Variants in PCDHA8 observed in about 807,000 individuals in gnomAD.
PCDHA8 encodes the protein protocadherin alpha 8.
PCDHA8 carries 53 observed loss-of-function variants against 61.8 expected under a neutral mutation model. The observed-to-expected ratio is 0.86, with a 90% confidence interval of 0.69 to 1.08. The LOEUF is 1.08. Among genes scored for constraint, PCDHA8 ranks in the 50% least tolerant of loss-of-function variants. The pLI is 0.00. For synonymous variants in PCDHA8, 618 were observed against 556.6 expected, an observed-to-expected ratio of 1.11 and a Z score of -1.55; for missense variants, 1,293 against 1,245.0, an observed-to-expected ratio of 1.04 and a Z score of -0.58.
rs1554263662 is a variant in PCDHA8 at position 141,011,810 on chromosome 5, G to A, written c.*1873G>A. The A allele has an allele frequency of 6.5e-6, 1 of 153,716 alleles. No individual in the cohort carries two copies. The highest frequency in any genetic ancestry group is 1.9e-4 in the East Asian group (1 of 5,198). 9.5% of individuals were successfully genotyped at this position (153,716 alleles called of 1,614,324 possible). ...ATGGTATCTGAAATATCAGCTCATA[G>A]AAAGTAACAAAATTTGCTGTCACCT... On this transcript the variant is annotated 3_prime_UTR_variant, in exon 4 of 4. Coordinates refer to ENST00000531613, the MANE Select transcript of PCDHA8 (RefSeq NM_018911.3).
chr5:140,982,795 A>ATGTG (rs60616196), intron 3 of PCDHA8, among the ~76,000 whole-genome samples: 1 of 151,628 alleles, frequency 6.6e-6, no homozygotes, highest in African/African-American at 2.4e-5. Context: ...GCATGTGTGC[A>ATGTG]TGTGTGTGTG....
intron 1 of PCDHA8, among the ~76,000 whole-genome samples, chr5:140,874,303 C>T (rs1299985366): frequency 6.6e-6 from 1 of 152,088 alleles, no homozygotes. Flanking sequence ...TACTTGTTCA[C>T]AATGAGTTGT....
At chr5:140,865,982 C>T (rs2049081742) in intron 1 of PCDHA8, 1 of 152,078 alleles carries the variant, frequency 6.6e-6, no homozygotes, top group South Asian at 2.1e-4. Flanking sequence ...ATTGAGATGG[C>T]ACTAAGTTTT....
chr5:140,871,919 A>G (rs1434717967), intron 1 of PCDHA8, among the ~76,000 whole-genome samples: 1 of 152,216 alleles, frequency 6.6e-6, no homozygotes, highest in African/African-American at 2.4e-5. Context: ...TGATATTTCC[A>G]CATTGTTAGA....
At chr5:140,876,283 G>A in intron 1 of PCDHA8, 1 of 1,614,056 alleles carries the variant, frequency 6.2e-7, no homozygotes. Flanking sequence ...CGATCCAGAC[G>A]AAGGACTTAA....
In PCDHA8 at chr5:140,842,642, T is replaced by G. The variant is rs1554139236; in HGVS notation, c.1321T>G (p.Leu441Val). Reference sequence around the variant, plus strand: ...GCCTTCGCTGTGGGCCACCGCCAGCTTGTCTGTGGAGGTGGCCGACGTGAA... The same window carrying G: ...GCCTTCGCTGTGGGCCACCGCCAGCGTGTCTGTGGAGGTGGCCGACGTGAA... ...GSPSLWATAS[L>V]SVEVADVNDN... The change falls in exon 1 of 4, where the codon TTG becomes GTG. Residue 441 changes from leucine (L) to valine (V), a missense_variant. By Grantham distance (32) the Leu-to-Val change is conservative (BLOSUM62 1). Transcript: ENST00000531613. 4.4e-6 allele frequency: 7 copies of G among 1,594,996 alleles called. 1 individual carries two copies. The Admixed American group carries it at 5.1e-5, about 12-fold the overall frequency.
At chr5:140,998,094 GCAAA>G (rs1182835904) in intron 3 of PCDHA8, among the ~76,000 whole-genome samples, 7 of 152,226 alleles carry the variant, frequency 4.6e-5, no homozygotes, top group African/African-American at 1.4e-4. Flanking sequence ...AAATGCTAGA[GCAAA>G]CAGAGGAGAA....
intron 1 of PCDHA8, chr5:140,968,024 A>C: frequency 1.2e-6 from 2 of 1,614,178 alleles, no homozygotes; most frequent in Non-Finnish European, 1.7e-6. Flanking sequence ...AAACTCCTAT[A>C]CACTGGTGGT....
At chr5:140,920,474 GT>G (rs1407391996) in intron 1 of PCDHA8, among the ~76,000 whole-genome samples, 1 of 152,008 alleles carries the variant, frequency 6.6e-6, no homozygotes, top group Non-Finnish European at 1.5e-5. Flanking sequence ...ATTTCTGTAT[GT>G]TTTTGGTCCA....
rs2150341132 is a variant in PCDHA8, at chr5:140,842,649, T to C, written c.1328T>C (p.Val443Ala). The C allele has an allele frequency of 5.7e-5, 91 of 1,595,206 alleles. 10 individuals are homozygous for C. The Admixed American group carries it at 1.5e-3, about 27-fold the overall frequency. Residue 443 changes from valine (V) to alanine (A), a missense_variant, in exon 1 of 4, where the codon GTG (valine) becomes GCG (alanine). Physicochemically the swap from Val to Ala is moderately conservative, Grantham distance 64. Transcript: ENST00000531613. ...CTGTGGGCCACCGCCAGCTTGTCTG[T>C]GGAGGTGGCCGACGTGAACGACAAT... is the stretch of plus-strand genomic sequence containing the variant. The part of the protein sequence containing the change: ...PSLWATASLS[V>A]EVADVNDNAP...
chr5:140,882,748 A>G (rs1562779294), intron 1 of PCDHA8: 1 of 1,614,258 alleles, frequency 6.2e-7, no homozygotes, highest in Non-Finnish European at 8.5e-7. Flanking sequence ...CATCCGATGC[A>G]GATATTGGAG....
chr5:140,842,977 G>C lies in PCDHA8; in HGVS notation c.1656G>C (p.Gln552His). 1 of 1,595,034 alleles carries C rather than the reference G, an allele frequency of 6.3e-7. No homozygotes were observed. The highest frequency in any genetic ancestry group is 8.6e-7 in the Non-Finnish European group (1 of 1,165,522). The change falls in exon 1 of 4, where the codon CAG becomes CAC. Residue 552 changes from glutamine to histidine, a missense_variant. Physicochemically the swap from Gln to His is conservative, Grantham distance 24 (BLOSUM62 0). Coordinates refer to ENST00000531613, the MANE Select transcript of PCDHA8 (RefSeq NM_018911.3). ...VPPLGSNVTL[Q>H]VFVLDENDNA... is the part of the protein sequence containing the mutation. ...CTCTGGGCAGCAACGTGACGCTGCA[G>C]GTGTTCGTGCTGGACGAGAATGACA...
chr5:140,902,324 C>T (rs1554190388), intron 1 of PCDHA8, among the ~76,000 whole-genome samples: 1 of 151,472 alleles, frequency 6.6e-6, no homozygotes, highest in Non-Finnish European at 1.5e-5. Flanking sequence ...AGGTGTAACT[C>T]ACTTCGCCTG....
At chr5:140,929,276 G>A (rs1554206920) in intron 1 of PCDHA8, 2 of 1,604,822 alleles carry the variant, frequency 1.2e-6, no homozygotes, top group African/African-American at 1.3e-5. Flanking sequence ...CCAATATCCT[G>A]TATTCAGATT....
intron 1 of PCDHA8, chr5:140,871,319 T>C (rs782385310): frequency 6.2e-7 from 1 of 1,614,040 alleles, no homozygotes; most frequent in Admixed American, 1.7e-5. Flanking sequence ...CCCACGCTGG[T>C]GTGCTCCCGC....
At chr5:140,865,067 T>C (rs2048722686) in intron 1 of PCDHA8, 1 of 152,340 alleles carries the variant, frequency 6.6e-6, no homozygotes, top group South Asian at 2.1e-4. Context: ...ATAACTTAAG[T>C]ATAAGAACCA....
rs183321523 is a variant in PCDHA8 at position 140,948,382 on chromosome 5, A to G, written c.2395-30567A>G. Among the ~76,000 whole-genome samples the G allele has an allele frequency of 1.2e-3, 182 of 151,516 alleles. 1 individual carries two copies. Among genetic ancestry groups the G allele is most frequent in the African/African-American group, 3.9e-3 (163 of 41,496 alleles). ...TGACTTAGGAGGTGTTCCTTCCTCT[A>G]TTTTCTGAAAGGTTGTGTAATATTG... On this transcript the variant is annotated intron_variant, in intron 1 of 3. Coordinates refer to ENST00000531613, the MANE Select transcript of PCDHA8 (RefSeq NM_018911.3).
intron 1 of PCDHA8, chr5:140,967,430 T>C (rs1554229552): frequency 1.2e-6 from 2 of 1,613,482 alleles, no homozygotes; most frequent in East Asian, 4.5e-5. Context: ...GCAGGCAGCC[T>C]TGCACCACCT....
intron 3 of PCDHA8, among the ~76,000 whole-genome samples, chr5:140,990,233 G>A (rs782139012): frequency 5.3e-5 from 8 of 152,128 alleles, no homozygotes; most frequent in Non-Finnish European, 8.8e-5. Flanking sequence ...TGTAACTAGC[G>A]TTGTATTCCT....
Sources: gnomAD v4.1 joint callset for allele counts (sites outside exome capture counted in the v4.1 genomes callset) on GRCh38, gnomAD v4.1.1 for gene constraint, MANE v1.5 for transcripts, NCBI Gene and HGNC (gene_info 2026-07-23, HGNC 2026-07-21) for gene names.